Variants in PMF1 observed in about 807,000 individuals in gnomAD.
The protein encoded by PMF1 is polyamine modulated factor 1.
PMF1 carries 21 observed loss-of-function variants against 26.7 expected under a neutral mutation model. The observed-to-expected ratio is 0.79, with a 90% CI of 0.56 to 1.13. The LOEUF (loss-of-function observed/expected upper bound fraction) is 1.13, where lower values mean the gene tolerates loss of function less well. Among genes scored for constraint, PMF1 ranks in the 50% most tolerant of loss-of-function variants. The probability of loss-of-function intolerance (pLI) is 0.00; values close to 1 mark genes in which losing one functional copy is unlikely to be tolerated. For synonymous variants in PMF1, 105 were observed against 101.0 expected (o/e 1.04, Z -0.24); for missense variants, 266 against 254.9 (o/e 1.04, Z -0.30).
intron 1 of PMF1, chr1:156,223,926 T>G (rs773749509): frequency 7.9e-5 from 12 of 152,254 alleles, no homozygotes; most frequent in Non-Finnish European, 1.5e-4. Flanking sequence ...CTTGGCCTGG[T>G]ACCTGGTCGG....
chr1:156,216,537 G>A (rs1572477405), intron 1 of PMF1, among the ~76,000 whole-genome samples: 1 of 152,184 alleles, frequency 6.6e-6, no homozygotes, highest in East Asian at 1.9e-4. Flanking sequence ...AGCCGGCCGT[G>A]CTCCTGCTTG....
chr1:156,226,143 C>T (rs557685919), intron 1 of PMF1, among the ~76,000 whole-genome samples: 14 of 152,208 alleles, frequency 9.2e-5, no homozygotes, highest in Non-Finnish European at 2.1e-4. Flanking sequence ...GTATGAGCCA[C>T]TGTGCCTGGT....
At chr1:156,235,502 C>T (rs536889153) in intron 3 of PMF1, among the ~76,000 whole-genome samples, 2 of 124,268 alleles carry the variant, frequency 1.6e-5, no homozygotes, top group Non-Finnish European at 3.2e-5. Flanking sequence ...AGTGCAGTGG[C>T]GCGATCTTGG....
chr1:156,227,889 A>G (rs1157299487), intron 1 of PMF1, among the ~76,000 whole-genome samples: 1 of 147,666 alleles, frequency 6.8e-6, no homozygotes, highest in Admixed American at 6.8e-5. Context: ...CCTCAGCCTC[A>G]CAAAATGCTG....
Position 156,213,039 on chromosome 1 carries a change from T to A in PMF1, c.24T>A (p.Asn8Lys), listed in dbSNP as rs1382705777. ...ACATGGCCGAAGCAAGTAGCGCCAA[T>A]CTAGGCAGCGGCTGTGAGGAAAAAA... MAEASSA[N>K]LGSGCEEKRH... The change falls in exon 1 of 5, where the codon AAT becomes AAA. Residue 8 changes from asparagine (N) to lysine (K), a missense_variant. By Grantham distance (94) the Asn-to-Lys change is moderately conservative. Transcript: ENST00000368277. 6.2e-7 allele frequency: 1 copy of A among 1,614,166 alleles called. No homozygotes were observed. The highest frequency in any genetic ancestry group is 8.5e-7 in the Non-Finnish European group (1 of 1,180,006).
At chr1:156,223,967 A>G (rs543708973) in intron 1 of PMF1, 1 of 152,104 alleles carries the variant, frequency 6.6e-6, no homozygotes, top group African/African-American at 2.4e-5. Flanking sequence ...AATGAATACA[A>G]TTATCCTGCT....
At chr1:156,216,498 CG>C (rs1253657622) in intron 1 of PMF1, among the ~76,000 whole-genome samples, 3 of 152,182 alleles carry the variant, frequency 2.0e-5, no homozygotes, top group Non-Finnish European at 4.4e-5. Flanking sequence ...TGGATGCGTG[CG>C]GGGCTCTGGC....
At chr1:156,230,891 C>T (rs1016431723) in intron 1 of PMF1, among the ~76,000 whole-genome samples, 19 of 150,886 alleles carry the variant, frequency 1.3e-4, no homozygotes, top group Admixed American at 8.6e-4. Flanking sequence ...ACAGTGAGAC[C>T]GCGACTCTAC....
intron 1 of PMF1, among the ~76,000 whole-genome samples, chr1:156,226,107 G>A (rs188114148): frequency 2.6e-5 from 4 of 152,026 alleles, no homozygotes; most frequent in East Asian, 1.9e-4. Flanking sequence ...CCCCCACTTC[G>A]GCCTCCCAAA....
At chr1:156,220,025 G>A (rs1159242948) in intron 1 of PMF1, among the ~76,000 whole-genome samples, 5 of 148,070 alleles carry the variant, frequency 3.4e-5, no homozygotes, top group African/African-American at 7.5e-5. Flanking sequence ...GTGCAGTGGC[G>A]CTGTCTCCGC....
Position 156,213,139 on chromosome 1 carries a change from G to C in PMF1, c.124G>C (p.Val42Leu), listed in dbSNP as rs1176793557. 1 of 1,614,192 alleles carries C rather than the reference G, an allele frequency of 6.2e-7. No individual in the cohort carries two copies. Among genetic ancestry groups the C allele is most frequent in the Non-Finnish European group, 8.5e-7 (1 of 1,179,980 alleles). ...GAGGGTGAAGCTCCTCGACACCATG[G>C]TGGACACTTTTCTTCAGAAGCTGGT... ...ISRVKLLDTM[V>L]DTFLQKLVAA... is the part of the protein sequence containing the mutation. The change falls in exon 1 of 5, where the codon GTG (valine) becomes CTG (leucine). Residue 42 changes from valine (V) to leucine (L), a missense_variant. Coordinates refer to ENST00000368277, the MANE Select transcript of PMF1 (RefSeq NM_007221.4).
intron 1 of PMF1, among the ~76,000 whole-genome samples, chr1:156,225,230 G>A (rs1263640465): frequency 1.4e-5 from 2 of 145,816 alleles, no homozygotes; most frequent in African/African-American, 2.5e-5. Flanking sequence ...ATGGACAGCC[G>A]TATAGTGAAT....
intron 3 of PMF1, 96 bp from the exon 4 acceptor site, chr1:156,236,192 G>C: frequency 4.0e-6 from 6 of 1,513,598 alleles, no homozygotes; most frequent in Non-Finnish European, 5.4e-6. Flanking sequence ...CTTGGGACAA[G>C]GTGGGCATGT....
intron 4 of PMF1, among the ~76,000 whole-genome samples, chr1:156,237,826 G>A (rs1205068761): frequency 6.6e-6 from 1 of 152,126 alleles, no homozygotes; most frequent in Non-Finnish European, 1.5e-5. Context: ...ACATGATCTT[G>A]GTTCACTGCA....
At chr1:156,229,155 G>A (rs777626665) in intron 1 of PMF1, among the ~76,000 whole-genome samples, 35 of 152,028 alleles carry the variant, frequency 2.3e-4, no homozygotes, top group African/African-American at 6.3e-4. Context: ...TGATCCGCCC[G>A]CCTTGGCCTC....
chr1:156,239,458 A>C, intron 4 of PMF1, 90 bp from the exon 5 acceptor site: 1 of 1,006,780 alleles, frequency 9.9e-7, no homozygotes, highest in Non-Finnish European at 1.6e-6. Flanking sequence ...GTCCTGGGGG[A>C]AACCCCAGGC....
intron 1 of PMF1, among the ~76,000 whole-genome samples, chr1:156,218,517 A>C (rs539161775): frequency 6.6e-6 from 1 of 152,210 alleles, no homozygotes; most frequent in African/African-American, 2.4e-5. Context: ...CGCAGTGCTC[A>C]TGCTTGTAAT....
rs980090809 is a variant in PMF1, at chr1:156,236,522, A to G, written c.564+39A>G. Reference sequence around the variant, plus strand: ...CCTGCCTCTTCCTCTTCCTTCTCTAATGGGCCCTCTGAGATCCGCAAATTG... The same window carrying G: ...CCTGCCTCTTCCTCTTCCTTCTCTAGTGGGCCCTCTGAGATCCGCAAATTG... On this transcript the variant is annotated intron_variant, in intron 4 of 4. Transcript: ENST00000368277. The G allele has an allele frequency of 9.6e-6, 15 of 1,557,106 alleles. No individual in the cohort carries two copies. The African/African-American group carries it at 1.1e-4, about 11-fold the overall frequency.
chr1:156,220,179 T>A (rs1272285997), intron 1 of PMF1, among the ~76,000 whole-genome samples: 2 of 151,996 alleles, frequency 1.3e-5, no homozygotes, highest in African/African-American at 4.8e-5. Context: ...TTAGCCAGTA[T>A]GGTCTCGATC....
Sources: gnomAD v4.1 joint callset for allele counts (sites outside exome capture counted in the v4.1 genomes callset) on GRCh38, gnomAD v4.1.1 for gene constraint, MANE v1.5 for transcripts, NCBI Gene and HGNC (gene_info 2026-07-23, HGNC 2026-07-21) for gene names.